MROH1: variants seen among roughly 807,000 people sequenced by gnomAD.
The protein encoded by MROH1 is maestro heat-like repeat-containing protein family member 1.
MROH1 carries 117 observed loss-of-function variants against 116.5 expected under a neutral mutation model. The ratio of observed to expected loss-of-function variants is 1.00; its 90% CI spans 0.86 to 1.17. MROH1 has a LOEUF of 1.17. MROH1 is among the 50% of genes most tolerant of loss of function. The pLI is 0.00. For missense variants in MROH1, 1,873 were observed against 1,338.5 expected (o/e 1.40, Z -6.23); for synonymous variants, 921 against 583.9 (o/e 1.58, Z -8.32).
chr8:144,172,705 G>T (rs149014895), intron 4 of MROH1, among the ~76,000 whole-genome samples: 1 of 152,064 alleles, frequency 6.6e-6, no homozygotes, highest in African/African-American at 2.4e-5. Flanking sequence ...CACCGTGCCC[G>T]GCCAGTCTAA....
intron 12 of MROH1, among the ~76,000 whole-genome samples, chr8:144,216,917 T>C (rs1426668782): frequency 1.3e-5 from 2 of 152,138 alleles, no homozygotes; most frequent in Non-Finnish European, 2.9e-5. Context: ...CTCAAACTCC[T>C]GACCTCCTGA....
rs978495149 is a variant in MROH1 at position 144,241,534 on chromosome 8, T to A, written c.2178+17T>A. ...ATTTTTAAGGTTAGGGTGACACCGG[T>A]GCAGGGCTGGGGACGGCTGTCTATC... On this transcript the variant is annotated intron_variant, in intron 22 of 43. Transcript: ENST00000326134. The A allele has an allele frequency of 2.8e-5, 22 of 777,866 alleles. No individual in the cohort carries two copies. The highest frequency in any genetic ancestry group is 4.3e-5 in the Non-Finnish European group (18 of 417,344). 48.2% of individuals were successfully genotyped at this position (777,866 alleles called of 1,614,324 possible). A position where few individuals can be genotyped will look rare whatever the true frequency, so the allele number is the denominator to read the frequency against.
intron 30 of MROH1, 62 bp from the exon 31 acceptor site, chr8:144,247,505 T>C: frequency 1.3e-6 from 1 of 760,224 alleles, no homozygotes; most frequent in Admixed American, 1.8e-5. Context: ...AGGTGCGGAG[T>C]CCAGGCTGTG....
At chr8:144,161,571 A>G (rs1333643642) in intron 2 of MROH1, among the ~76,000 whole-genome samples, 3 of 152,126 alleles carry the variant, frequency 2.0e-5, no homozygotes, top group African/African-American at 4.8e-5. Flanking sequence ...CCTACCTCTC[A>G]GGCCGCACAG....
intron 32 of MROH1, among the ~76,000 whole-genome samples, chr8:144,249,431 C>G (rs1353009164): frequency 6.6e-6 from 1 of 152,134 alleles, no homozygotes. Flanking sequence ...TTTGTTTTCA[C>G]CCAACATGGT....
intron 12 of MROH1, among the ~76,000 whole-genome samples, chr8:144,216,978 G>A (rs184326065): frequency 1.1e-3 from 167 of 152,212 alleles, no homozygotes; most frequent in Non-Finnish European, 1.9e-3. Context: ...GTGAGCCATC[G>A]CGCCTGGCCT....
chr8:144,249,669 T>C (rs1039581622), intron 32 of MROH1, among the ~76,000 whole-genome samples: 4 of 151,486 alleles, frequency 2.6e-5, no homozygotes, highest in Admixed American at 2.0e-4. Context: ...GTTCACCTGC[T>C]TTCTGGAGCA....
At chr8:144,233,241 G>C (rs572901059) in intron 14 of MROH1, among the ~76,000 whole-genome samples, 1 of 151,832 alleles carries the variant, frequency 6.6e-6, no homozygotes, top group Non-Finnish European at 1.5e-5. Flanking sequence ...TCACATTGTT[G>C]TGGAGCCATC....
intron 1 of MROH1, among the ~76,000 whole-genome samples, chr8:144,153,162 T>G (rs1320242893): frequency 1.3e-5 from 2 of 152,144 alleles, no homozygotes; most frequent in Non-Finnish European, 2.9e-5. Context: ...GTAATGTCCT[T>G]CAGTACATCC....
At chr8:144,203,514 G>A (rs1362933763) in intron 12 of MROH1, among the ~76,000 whole-genome samples, 1 of 151,302 alleles carries the variant, frequency 6.6e-6, no homozygotes, top group Non-Finnish European at 1.5e-5. Flanking sequence ...GGGAGTGCCT[G>A]CTCTCTGTGG....
At chr8:144,168,986 A>G (rs570404693) in intron 4 of MROH1, among the ~76,000 whole-genome samples, 3 of 152,332 alleles carry the variant, frequency 2.0e-5, no homozygotes, top group Admixed American at 1.3e-4. Flanking sequence ...CTCTCTCTTC[A>G]GCCTCACAGG....
rs1834773286 is a variant in MROH1, at chr8:144,214,120, A to G, written c.1142-6480A>G. On this transcript the variant is annotated intron_variant, in intron 12 of 43. Transcript: ENST00000326134. ...CAGCAACCTGGGCCAAGCTCCCACC[A>G]GGGACCTCTCCTTGGCCACACTCGG... 3.9e-5 allele frequency: 6 copies of G among 152,366 alleles called. No individual in the cohort carries two copies. The South Asian group carries it at 1.2e-3, about 32-fold the overall frequency. The allele number at this position is 152,366 out of a possible 1,614,324, so 9.4% of individuals were successfully genotyped here.
rs1350430762 is a variant in MROH1 at position 144,244,309 on chromosome 8, CAAG to C, written c.2644_2646del (p.Lys882del). On this transcript the variant is annotated inframe_deletion, in exon 27 of 44. Transcript: ENST00000326134. Reference sequence around the variant, plus strand: ...GCATCATGGCCCTGCTGCCTGAGCCCAAGGAGGAGGACGGAGGCTGCCAGAAGG... The same window carrying C: ...GCATCATGGCCCTGCTGCCTGAGCCCGAGGAGGACGGAGGCTGCCAGAAGG... 2.8e-6 allele frequency: 2 copies of C among 719,916 alleles called. No homozygotes were observed. Among genetic ancestry groups the C allele is most frequent in the Non-Finnish European group, 5.2e-6 (2 of 385,862 alleles). 44.6% of individuals were successfully genotyped at this position (719,916 alleles called of 1,614,324 possible).
At chr8:144,219,915 C>T (rs1836335990) in intron 12 of MROH1, among the ~76,000 whole-genome samples, 1 of 152,214 alleles carries the variant, frequency 6.6e-6, no homozygotes, top group African/African-American at 2.4e-5. Flanking sequence ...TGCTGCTCCG[C>T]AGTCCCTGGG....
At chr8:144,149,124 C>T (rs1019403903) in intron 1 of MROH1, among the ~76,000 whole-genome samples, 39 of 152,130 alleles carry the variant, frequency 2.6e-4, no homozygotes, top group Non-Finnish European at 1.0e-4. Context: ...CCTCGGGTCC[C>T]GGCGAGGCGA....
Position 144,183,086 on chromosome 8 carries a change from A to C in MROH1, c.562+2563A>C, listed in dbSNP as rs73366538. Among the ~76,000 whole-genome samples the C allele has an allele frequency of 4.5e-3, 680 of 152,054 alleles. 6 individuals are homozygous for C. The highest frequency in any genetic ancestry group is 0.015 in the African/African-American group (640 of 41,486). On this transcript the variant is annotated intron_variant, in intron 7 of 43. Coordinates refer to ENST00000326134, the MANE Select transcript of MROH1 (RefSeq NM_032450.3). ...GTGAGACTCTGTCTCAAAACAAACA[A>C]ATCAAAACTAGCTGGGCATGGTAGC...
intron 9 of MROH1, 127 bp from the exon 10 acceptor site, chr8:144,192,182 C>T: frequency 1.3e-6 from 1 of 799,474 alleles, no homozygotes; most frequent in South Asian, 1.8e-5. Context: ...CATTTGAGCC[C>T]CAAGGTGGGG....
At chr8:144,196,688 A>G (rs746251303) in intron 10 of MROH1, among the ~76,000 whole-genome samples, 67 of 151,828 alleles carry the variant, frequency 4.4e-4, no homozygotes, top group Non-Finnish European at 9.1e-4. Flanking sequence ...TCTGTCTGGG[A>G]TTTATTTTAG....
At chr8:144,237,941 G>T (rs1333074722) in intron 14 of MROH1, among the ~76,000 whole-genome samples, 1 of 152,162 alleles carries the variant, frequency 6.6e-6, no homozygotes, top group African/African-American at 2.4e-5. Flanking sequence ...TAACGCAAAT[G>T]ATTCTTTTAT....
Sources: allele counts gnomAD v4.1 joint callset (sites outside exome capture counted in the v4.1 genomes callset), GRCh38; gene constraint gnomAD v4.1.1; transcripts MANE v1.5; gene names NCBI Gene and HGNC (gene_info 2026-07-23, HGNC 2026-07-21).